The following SLC22A2 variants were observed in gnomAD, a reference collection of about 807,000 sequenced individuals.
The protein encoded by SLC22A2 is solute carrier family 22 member 2.
In SLC22A2, 46 loss-of-function variants were observed where a neutral mutation model predicts 60.5. That is an observed-to-expected ratio of 0.76 (90% CI 0.60 to 0.97). SLC22A2 has a LOEUF of 0.97. Ranked by LOEUF, SLC22A2 falls within the 50% of genes least tolerant of loss-of-function variation. The pLI is 0.00. For synonymous variants in SLC22A2, 303 were observed against 267.0 expected (o/e 1.13, Z -1.31); for missense variants, 701 against 706.6 (o/e 0.99, Z 0.09).
At chr6:160,241,884 T>C (rs894002945) in intron 8 of SLC22A2, among the ~76,000 whole-genome samples, 117 of 151,758 alleles carry the variant, frequency 7.7e-4, no homozygotes, top group Admixed American at 1.4e-3. Context: ...ATTTTATATA[T>C]ATATATATAT....
At chr6:160,239,360 C>T (rs1281671767) in intron 9 of SLC22A2, among the ~76,000 whole-genome samples, 1 of 152,098 alleles carries the variant, frequency 6.6e-6, no homozygotes, top group Non-Finnish European at 1.5e-5. Context: ...AACTGAGCAG[C>T]CCATGCTGCT....
At chr6:160,238,515 C>A (rs968884541) in intron 9 of SLC22A2, among the ~76,000 whole-genome samples, 2 of 152,166 alleles carry the variant, frequency 1.3e-5, no homozygotes, top group Non-Finnish European at 2.9e-5. Flanking sequence ...CCAGAATAAT[C>A]CTTGTTGATT....
chr6:160,218,909 A>ACAG (rs1398056452), intron 10 of SLC22A2, among the ~76,000 whole-genome samples: 14 of 240 alleles, frequency 0.058, no homozygotes, highest in African/African-American at 0.12. Context: ...AGTCGCAGCA[A>ACAG]TAACAGCAGC....
At chr6:160,251,249 TG>T (rs1212491733) in intron 2 of SLC22A2, among the ~76,000 whole-genome samples, 1 of 152,202 alleles carries the variant, frequency 6.6e-6, no homozygotes, top group Non-Finnish European at 1.5e-5. Flanking sequence ...TGGAGCACCC[TG>T]GGAAGACAGC....
chr6:160,258,614 G>A lies in SLC22A2; in HGVS notation c.144C>T (p.Asp48=). 2 of 1,614,026 alleles carry A rather than the reference G, an allele frequency of 1.2e-6. No homozygotes were observed. The highest frequency in any genetic ancestry group is 1.7e-6 in the Non-Finnish European group (2 of 1,179,960). Residue 48 remains aspartate, a synonymous_variant, in exon 1 of 11, where the codon GAC becomes GAT. Coordinates refer to ENST00000366953, the MANE Select transcript of SLC22A2 (RefSeq NM_003058.4). The stretch of plus-strand genomic sequence containing the variant: ...CCACTCCGGGGCTCCGGCAGCGGTG[G>A]TCAGGGGTGAAGCCCAGGAAGACGA... ...VGIVFLGFTP[D]HRCRSPGVAE...
chr6:160,229,060 C>T (rs202120071), intron 9 of SLC22A2, among the ~76,000 whole-genome samples: 5 of 151,918 alleles, frequency 3.3e-5, no homozygotes, highest in East Asian at 1.9e-4. Flanking sequence ...AATTTGGTTC[C>T]GTGACTCGGA....
chr6:160,251,779 T>G (rs944696174), intron 2 of SLC22A2, among the ~76,000 whole-genome samples: 2 of 152,250 alleles, frequency 1.3e-5, no homozygotes, highest in Non-Finnish European at 2.9e-5. Flanking sequence ...CTTTTATTAT[T>G]ATGCAACTAT....
At chr6:160,228,284 A>G (rs974383221) in intron 9 of SLC22A2, among the ~76,000 whole-genome samples, 2 of 152,232 alleles carry the variant, frequency 1.3e-5, no homozygotes, top group Non-Finnish European at 2.9e-5. Flanking sequence ...AACAGACTGC[A>G]GCACTGATTA....
chr6:160,241,478 A>G lies in SLC22A2; in HGVS notation c.1497T>C (p.Val499=), dbSNP rs2114862651. ...TNIWLELPLM[V]FGVLGLVAGG... ...ACATCTGTGAAGATTTCTTACCGAA[A>G]ACCATCAGCGGGAGCTCAAGCCAGA... The change falls in exon 9 of 11, where the codon GTT becomes GTC. Residue 499 remains valine, a synonymous_variant. Coordinates refer to ENST00000366953, the MANE Select transcript of SLC22A2 (RefSeq NM_003058.4). The G allele has an allele frequency of 6.2e-7, 1 of 1,608,126 alleles. No homozygotes were observed. The highest frequency in any genetic ancestry group is 2.2e-5 in the East Asian group (1 of 44,848).
At chr6:160,231,689 A>G (rs928319594) in intron 9 of SLC22A2, among the ~76,000 whole-genome samples, 6 of 151,776 alleles carry the variant, frequency 4.0e-5, no homozygotes, top group Non-Finnish European at 8.8e-5. Context: ...CCAAACCCAT[A>G]TACTCTCCTA....
Position 160,256,624 on chromosome 6 carries a change from T to C in SLC22A2, c.508A>G (p.Ile170Val). 2 of 1,611,078 alleles carry C rather than the reference T, an allele frequency of 1.2e-6. No homozygotes were observed. The highest frequency in any genetic ancestry group is 8.5e-7 in the Non-Finnish European group (1 of 1,177,262). The stretch of plus-strand genomic sequence containing the variant: ...GGTGATTCAACCTACCTGTCTGCTA[T>C]GTAGCCGATACTCATAGAGCCAATA... ...FFIGSMSIGY[I>V]ADRFGRKLCL... Residue 170 changes from isoleucine to valine, a missense_variant, in exon 2 of 11, where the codon ATA becomes GTA. Physicochemically the swap from Ile to Val is conservative, Grantham distance 29. Transcript: ENST00000366953.
chr6:160,230,713 G>A (rs2114855001), intron 9 of SLC22A2, among the ~76,000 whole-genome samples: 1 of 152,070 alleles, frequency 6.6e-6, no homozygotes, highest in Admixed American at 6.5e-5. Flanking sequence ...CCAAATGCCT[G>A]AACCGCAGCT....
intron 9 of SLC22A2, among the ~76,000 whole-genome samples, chr6:160,240,114 GC>G (rs1782974038): frequency 6.6e-6 from 1 of 152,134 alleles, no homozygotes; most frequent in South Asian, 2.1e-4. Context: ...AAAGCAATGA[GC>G]CACAGACACA....
rs1381120209 is a variant in SLC22A2 at position 160,243,801 on chromosome 6, GA to G, written c.1065-16del. The G allele has an allele frequency of 5.0e-6, 8 of 1,595,396 alleles. No homozygotes were observed. In the East Asian group the frequency reaches 1.6e-4, roughly 31 times the overall value. On this transcript the variant is annotated splice_polypyrimidine_tract_variant and intron_variant, in intron 6 of 10. Coordinates refer to ENST00000366953, the MANE Select transcript of SLC22A2 (RefSeq NM_003058.4). ...AGCTCGTGAACCTGAGCAAAGAGGA[GA>G]GTTCAGGTCAAGTCAAGCACCAAAC...
rs376904031 is a variant in SLC22A2 at position 160,234,316 on chromosome 6, C to T, written c.1501+7158G>A. Among the ~76,000 whole-genome samples the T allele has an allele frequency of 1.6e-3, 245 of 152,280 alleles. 4 individuals carry two copies. The highest frequency in any genetic ancestry group is 5.5e-3 in the African/African-American group (228 of 41,548). On this transcript the variant is annotated intron_variant, in intron 9 of 10. Transcript: ENST00000366953. ...GTTTGGTGGGCTCTTCACACGGACACGAGTGAAAGTTATTTCTTCCTAAGA... is the reference window on the plus strand; with the variant it reads ...GTTTGGTGGGCTCTTCACACGGACATGAGTGAAAGTTATTTCTTCCTAAGA...
intron 1 of SLC22A2, 81 bp from the exon 2 acceptor site, chr6:160,256,798 C>G (rs1366336972): frequency 5.6e-6 from 5 of 893,464 alleles, no homozygotes; most frequent in African/African-American, 4.9e-5. Flanking sequence ...CATAACTCAG[C>G]TAGGGTACTC....
chr6:160,223,375 C>T (rs547470821), intron 10 of SLC22A2, among the ~76,000 whole-genome samples: 9 of 152,270 alleles, frequency 5.9e-5, no homozygotes, highest in African/African-American at 1.9e-4. Flanking sequence ...GTATATTTTT[C>T]CAGAGCTACA....
chr6:160,228,832 C>A (rs582158), intron 9 of SLC22A2, among the ~76,000 whole-genome samples: 110,132 of 151,574 alleles, frequency 0.73, 41,267 homozygotes, highest in Admixed American at 0.83. Context: ...AAAGCTCCCC[C>A]ACTGAGCACC....
At position 160,258,778 on chromosome 6, in the gene SLC22A2, C is replaced by T; in HGVS notation, c.-21G>A. ...GGCATGATCCTGCAGGCAGGAGGGC[C>T]CGAGGCTGCCCGACGTGCCCGGAGC... On this transcript the variant is annotated 5_prime_UTR_variant, in exon 1 of 11. Transcript: ENST00000366953. 1 of 1,519,602 alleles carries T rather than the reference C, an allele frequency of 6.6e-7. No individual in the cohort carries two copies. The highest frequency in any genetic ancestry group is 8.8e-7 in the Non-Finnish European group (1 of 1,133,938). 94.1% of individuals were successfully genotyped at this position (1,519,602 alleles called of 1,614,324 possible).
Sources: gnomAD v4.1 joint callset for allele counts (sites outside exome capture counted in the v4.1 genomes callset) on GRCh38, gnomAD v4.1.1 for gene constraint, MANE v1.5 for transcripts, NCBI Gene and HGNC (gene_info 2026-07-23, HGNC 2026-07-21) for gene names.